The following ZCWPW2 variants were observed in gnomAD, a reference collection of about 807,000 sequenced individuals.
ZCWPW2 encodes the protein zinc finger CW-type and PWWP domain containing 2, also known as zinc finger CW-type PWWP domain protein 2.
A neutral mutation model predicts 46.6 loss-of-function variants in ZCWPW2; 45 were observed. The observed-to-expected ratio is 0.96, with a 90% CI of 0.76 to 1.24. The LOEUF (loss-of-function observed/expected upper bound fraction) is 1.24. Ranked by LOEUF, ZCWPW2 falls within the 50% of genes most tolerant of loss-of-function variation. The pLI is 0.00. For missense variants in ZCWPW2, 429 were observed against 403.9 expected, an observed-to-expected ratio of 1.06 and a Z score of -0.53; for synonymous variants, 152 against 137.1, an observed-to-expected ratio of 1.11 and a Z score of -0.76.
intron 6 of ZCWPW2, among the ~76,000 whole-genome samples, chr3:28,505,304 T>C (rs921194674): frequency 1.3e-5 from 2 of 152,152 alleles, no homozygotes; most frequent in African/African-American, 4.8e-5. Flanking sequence ...ATAAGTCTTA[T>C]TGCCAGGGAC....
chr3:28,489,750 C>T (rs189283082), intron 5 of ZCWPW2, among the ~76,000 whole-genome samples: 1 of 151,566 alleles, frequency 6.6e-6, no homozygotes, highest in African/African-American at 2.4e-5. Context: ...TGTTGATTAT[C>T]TGTTATCTTC....
At chr3:28,420,228 G>GT (rs1696712253) in intron 3 of ZCWPW2, among the ~76,000 whole-genome samples, 1 of 151,982 alleles carries the variant, frequency 6.6e-6, no homozygotes, top group African/African-American at 2.4e-5. Context: ...TAATTGTGGC[G>GT]TTAGGGTGTC....
At chr3:28,504,853 C>A (rs879601953) in intron 6 of ZCWPW2, among the ~76,000 whole-genome samples, 4 of 152,148 alleles carry the variant, frequency 2.6e-5, no homozygotes, top group African/African-American at 9.7e-5. Context: ...TCCCCGGACA[C>A]CCTGTCTGGA....
intron 4 of ZCWPW2, chr3:28,447,701 G>T (rs369742041): frequency 1.4e-5 from 7 of 485,176 alleles, no homozygotes; most frequent in South Asian, 8.7e-5. Context: ...TAGCTTCCAC[G>T]AACGTTGTCT....
intron 4 of ZCWPW2, among the ~76,000 whole-genome samples, chr3:28,438,511 C>T (rs1168011200): frequency 6.6e-6 from 1 of 152,044 alleles, no homozygotes; most frequent in Admixed American, 6.5e-5. Flanking sequence ...TAGCCGACAA[C>T]AATAAAAAGA....
intron 5 of ZCWPW2, among the ~76,000 whole-genome samples, chr3:28,489,449 T>C (rs1001470726): frequency 2.6e-5 from 4 of 152,046 alleles, no homozygotes; most frequent in Non-Finnish European, 5.9e-5. Context: ...TGATCTTATT[T>C]TTTCCCATTT....
intron 1 of ZCWPW2, among the ~76,000 whole-genome samples, chr3:28,385,644 A>G (rs1208071658): frequency 6.6e-6 from 1 of 152,142 alleles, no homozygotes; most frequent in Non-Finnish European, 1.5e-5. Context: ...GCATCCAAAC[A>G]TTGTGGTTGA....
chr3:28,421,833 T>TG (rs1491346954), intron 3 of ZCWPW2, among the ~76,000 whole-genome samples: 52 of 128,630 alleles, frequency 4.0e-4, no homozygotes, highest in African/African-American at 1.4e-3. Context: ...TGGAGAATAG[T>TG]TTGTGTGTGT....
intron 2 of ZCWPW2, among the ~76,000 whole-genome samples, chr3:28,393,965 C>T (rs74571360): frequency 0.026 from 3,991 of 151,782 alleles, 153 homozygotes; most frequent in African/African-American, 0.085. Flanking sequence ...AAAAGATATC[C>T]AAATAAAAAA....
chr3:28,378,614 G>A (rs1015213564), intron 1 of ZCWPW2, among the ~76,000 whole-genome samples: 2 of 152,100 alleles, frequency 1.3e-5, no homozygotes, highest in Non-Finnish European at 2.9e-5. Context: ...AGGAAACGAA[G>A]TGAGAATTTA....
At chr3:28,363,559 A>G (rs928060901) in intron 1 of ZCWPW2, among the ~76,000 whole-genome samples, 7 of 152,078 alleles carry the variant, frequency 4.6e-5, no homozygotes, top group African/African-American at 1.4e-4. Context: ...ATTTGTAGAG[A>G]TAGTAAACGA....
At position 28,413,174 on chromosome 3, in the gene ZCWPW2, G is replaced by A. The variant is rs761658321; in HGVS notation, c.106G>A (p.Glu36Lys). ...CAAAGTGTGGGTTCAATGTGAGAAT[G>A]AAAATTGTTTGAAATGGAGATTGTT... ...VNKVWVQCEN[E>K]NCLKWRLLSS... The change falls in exon 3 of 10, where the codon GAA becomes AAA. Residue 36 changes from glutamate to lysine, a missense_variant. Glu to Lys is a moderately conservative substitution (Grantham distance 56). Coordinates refer to ENST00000383768, the MANE Select transcript of ZCWPW2 (RefSeq NM_001040432.4). 19 of 1,613,276 alleles carry A rather than the reference G, an allele frequency of 1.2e-5. No individual in the cohort carries two copies. The African/African-American group carries it at 2.3e-4, about 19-fold the overall frequency.
At chr3:28,377,124 T>C (rs1705525329) in intron 1 of ZCWPW2, among the ~76,000 whole-genome samples, 2 of 152,112 alleles carry the variant, frequency 1.3e-5, no homozygotes, top group African/African-American at 4.8e-5. Context: ...TAGTTTGTTT[T>C]GTTTCTTTCC....
At chr3:28,467,529 C>T (rs949626082) in intron 4 of ZCWPW2, among the ~76,000 whole-genome samples, 2 of 152,094 alleles carry the variant, frequency 1.3e-5, no homozygotes, top group South Asian at 2.1e-4. Context: ...TTACAGTGGG[C>T]CTTGGGTGAG....
chr3:28,511,139 A>G (rs979904462), intron 6 of ZCWPW2: 2 of 441,580 alleles, frequency 4.5e-6, no homozygotes, highest in Non-Finnish European at 9.1e-6. Flanking sequence ...TAAATGTATG[A>G]CAATCTGGAA....
intron 2 of ZCWPW2, among the ~76,000 whole-genome samples, chr3:28,399,244 A>G (rs1695829866): frequency 6.6e-6 from 1 of 152,014 alleles, no homozygotes; most frequent in African/African-American, 2.4e-5. Context: ...TGACCTGGGA[A>G]CCTTACCCCC....
chr3:28,475,776 C>A (rs568796169), intron 4 of ZCWPW2, among the ~76,000 whole-genome samples: 1 of 152,232 alleles, frequency 6.6e-6, no homozygotes, highest in South Asian at 2.1e-4. Flanking sequence ...TCCTGCCCTC[C>A]TTCAGGGAGA....
At chr3:28,480,345 G>A (rs1553640866) in intron 5 of ZCWPW2, among the ~76,000 whole-genome samples, 1 of 152,000 alleles carries the variant, frequency 6.6e-6, no homozygotes, top group Non-Finnish European at 1.5e-5. Context: ...TCATATGTAG[G>A]TTGGCTGCAT....
chr3:28,478,984 A>T, intron 5 of ZCWPW2, 53 bp downstream of exon 5: 2 of 1,179,722 alleles, frequency 1.7e-6, no homozygotes, highest in Non-Finnish European at 1.2e-6. Context: ...ATTCAAATGC[A>T]TGTTTTCCAA....
Sources: gnomAD v4.1 joint callset for allele counts (sites outside exome capture counted in the v4.1 genomes callset) on GRCh38, gnomAD v4.1.1 for gene constraint, MANE v1.5 for transcripts, NCBI Gene and HGNC (gene_info 2026-07-23, HGNC 2026-07-21) for gene names.